Variants in PTPRT observed in about 807,000 individuals in gnomAD.
PTPRT encodes the protein protein tyrosine phosphatase receptor type T.
Under a neutral mutation model 176.8 loss-of-function variants are expected in PTPRT, and 56 were observed. The ratio of observed to expected loss-of-function variants is 0.32; its 90% CI spans 0.26 to 0.40. The LOEUF (loss-of-function observed/expected upper bound fraction) is 0.40, where lower values mean the gene tolerates loss of function less well. Among genes scored for constraint, PTPRT ranks in the 10% least tolerant of loss-of-function variants. The probability of loss-of-function intolerance (pLI) is 1.00; values close to 1 mark genes in which losing one functional copy is unlikely to be tolerated. For missense variants in PTPRT, 1,540 were observed against 1,908.2 expected (o/e 0.81, Z 3.60); for synonymous variants, 783 against 739.0 (o/e 1.06, Z -0.96).
chr20:42,637,277 C>G (rs1180945257), intron 7 of PTPRT, among the ~76,000 whole-genome samples: 1 of 152,194 alleles, frequency 6.6e-6, no homozygotes, highest in African/African-American at 2.4e-5. Flanking sequence ...CTGTCTCCTT[C>G]TCACTGGGCT....
At chr20:42,184,561 ATTCTTC>A (rs1402560409) in intron 16 of PTPRT, among the ~76,000 whole-genome samples, 3 of 128,126 alleles carry the variant, frequency 2.3e-5, no homozygotes, top group Admixed American at 8.2e-5. Context: ...TCTTCTTCTT[ATTCTTC>A]TTCTTCTTCT....
rs143767555 is a variant in PTPRT at position 42,567,545 on chromosome 20, T to G, written c.1154-94983A>C. On this transcript the variant is annotated intron_variant, in intron 7 of 30. Transcript: ENST00000373187. ...ACCCAAGAGAAGTAACTCATAGAACTGCCTATTTCCCAAGCCACATTGAAG... is the reference window on the plus strand; with the variant it reads ...ACCCAAGAGAAGTAACTCATAGAACGGCCTATTTCCCAAGCCACATTGAAG... Among the ~76,000 whole-genome samples, 41 of 152,336 alleles carry G rather than the reference T, an allele frequency of 2.7e-4. No individual in the cohort carries two copies. In the East Asian group the frequency reaches 7.7e-3, roughly 29 times the overall value.
chr20:42,743,852 G>C (rs767547090), intron 6 of PTPRT, among the ~76,000 whole-genome samples: 71 of 152,336 alleles, frequency 4.7e-4, no homozygotes, highest in Non-Finnish European at 7.3e-4. Flanking sequence ...AATTGCTACT[G>C]TTTTGTTTTT....
In PTPRT at chr20:42,106,851, C is replaced by CA. The variant is rs1198991736; in HGVS notation, c.3324_3325insT (p.Val1109CysfsTer10). 6.2e-7 allele frequency: 1 copy of CA among 1,614,062 alleles called. No individual in the cohort carries two copies. Among genetic ancestry groups the CA allele is most frequent in the African/African-American group, 1.3e-5 (1 of 74,920 alleles). On this transcript the variant is annotated frameshift_variant, in exon 24 of 31. Transcript: ENST00000373187. LOFTEE classifies it high-confidence loss of function. Reference sequence around the variant, plus strand: ...CGCACGCAGTTGAAGATGTCCACCACCCCTTCATTCTCGGCCATGTCAAGC... The same window carrying CA: ...CGCACGCAGTTGAAGATGTCCACCACACCCTTCATTCTCGGCCATGTCAAGC...
At chr20:42,950,004 T>A (rs1650482700) in intron 1 of PTPRT, among the ~76,000 whole-genome samples, 1 of 152,206 alleles carries the variant, frequency 6.6e-6, no homozygotes, top group African/African-American at 2.4e-5. Context: ...CTGCCCTCCA[T>A]GAAAATGTTC....
At chr20:42,661,201 C>A (rs906833666) in intron 7 of PTPRT, among the ~76,000 whole-genome samples, 1 of 152,028 alleles carries the variant, frequency 6.6e-6, no homozygotes. Context: ...GGAAGCTAGA[C>A]CAACAAGGTC....
intron 1 of PTPRT, among the ~76,000 whole-genome samples, chr20:42,935,528 A>G (rs1377398365): frequency 1.4e-5 from 2 of 146,596 alleles, no homozygotes; most frequent in Admixed American, 1.3e-4. Context: ...ATTCAAAGAC[A>G]GAGATTATTG....
chr20:42,425,958 GA>G (rs2059159579), intron 9 of PTPRT, among the ~76,000 whole-genome samples: 1 of 152,172 alleles, frequency 6.6e-6, no homozygotes, highest in African/African-American at 2.4e-5. Context: ...CATAGAGGTG[GA>G]AAAAGCAGAT....
chr20:42,440,945 G>A (rs1348031800), intron 9 of PTPRT, among the ~76,000 whole-genome samples: 1 of 152,164 alleles, frequency 6.6e-6, no homozygotes, highest in African/African-American at 2.4e-5. Context: ...CCATCATATG[G>A]GATGAAGCTC....
At chr20:42,211,921 G>T (rs1208752413) in intron 15 of PTPRT, among the ~76,000 whole-genome samples, 2 of 150,798 alleles carry the variant, frequency 1.3e-5, no homozygotes, top group Non-Finnish European at 2.9e-5. Flanking sequence ...TGATAGACTG[G>T]ATTAAGAAAA....
At chr20:42,486,794 A>G (rs2071471817) in intron 7 of PTPRT, among the ~76,000 whole-genome samples, 1 of 152,102 alleles carries the variant, frequency 6.6e-6, no homozygotes, top group Admixed American at 6.6e-5. Context: ...CCTCAGAGTA[A>G]GTTCTTTCCA....
chr20:42,211,263 A>C (rs1384351313), intron 15 of PTPRT, among the ~76,000 whole-genome samples: 1 of 151,804 alleles, frequency 6.6e-6, no homozygotes, highest in African/African-American at 2.4e-5. Flanking sequence ...AAAACACCAA[A>C]AGCAATGGCA....
At position 42,320,962 on chromosome 20, in the gene PTPRT, G is replaced by A. The variant is rs572777391; in HGVS notation, c.1866-4966C>T. The stretch of plus-strand genomic sequence containing the variant: ...TTACATCAAAGCACATGGAAGCTGG[G>A]AGACGGACACACAGCAGAAAAGGGG... On this transcript the variant is annotated intron_variant, in intron 11 of 30. Coordinates refer to ENST00000373187, the MANE Select transcript of PTPRT (RefSeq NM_007050.6). Among the ~76,000 whole-genome samples the A allele has an allele frequency of 1.8e-4, 28 of 152,318 alleles. No homozygotes were observed. In the South Asian group the frequency reaches 5.8e-3, roughly 32 times the overall value.
chr20:42,621,173 C>T (rs1569024906), intron 7 of PTPRT, among the ~76,000 whole-genome samples: 1 of 152,144 alleles, frequency 6.6e-6, no homozygotes, highest in Non-Finnish European at 1.5e-5. Flanking sequence ...TCCCCCTCTG[C>T]CCTGTCCTAA....
At chr20:42,995,833 T>G (rs761624686) in intron 1 of PTPRT, among the ~76,000 whole-genome samples, 1 of 152,170 alleles carries the variant, frequency 6.6e-6, no homozygotes, top group East Asian at 1.9e-4. Flanking sequence ...TTTATAATTT[T>G]TTTTAATAGT....
chr20:42,530,096 C>T (rs1250484820), intron 7 of PTPRT, among the ~76,000 whole-genome samples: 1 of 152,148 alleles, frequency 6.6e-6, no homozygotes, highest in Non-Finnish European at 1.5e-5. Flanking sequence ...TTGCTCCTTG[C>T]TTCTAGCTAT....
chr20:42,314,840 C>G (rs532764015), intron 12 of PTPRT, among the ~76,000 whole-genome samples: 1 of 152,282 alleles, frequency 6.6e-6, no homozygotes, highest in Non-Finnish European at 1.5e-5. Flanking sequence ...TCCTTAGAGA[C>G]ACAGCCCACT....
At chr20:42,176,990 A>C (rs1990321388) in intron 16 of PTPRT, among the ~76,000 whole-genome samples, 1 of 152,236 alleles carries the variant, frequency 6.6e-6, no homozygotes, top group Non-Finnish European at 1.5e-5. Context: ...AAGACAATGG[A>C]AAGAACACAG....
chr20:43,165,318 T>C (rs1483208216), intron 1 of PTPRT, among the ~76,000 whole-genome samples: 1 of 151,972 alleles, frequency 6.6e-6, no homozygotes, highest in Non-Finnish European at 1.5e-5. Context: ...GCCACAATCA[T>C]GTCTGGCTAA....
Sources: allele counts gnomAD v4.1 joint callset (sites outside exome capture counted in the v4.1 genomes callset), GRCh38; gene constraint gnomAD v4.1.1; transcripts MANE v1.5; gene names NCBI Gene and HGNC (gene_info 2026-07-23, HGNC 2026-07-21).